FBXL13: variants seen among roughly 807,000 people sequenced by gnomAD.
FBXL13 encodes the protein F-box and leucine rich repeat protein 13.
In FBXL13, 67 loss-of-function variants were observed where a neutral mutation model predicts 83.6. That is an observed-to-expected ratio of 0.80 (90% CI 0.66 to 0.98). FBXL13 has a LOEUF of 0.98. FBXL13 is among the 50% of genes least tolerant of loss of function. FBXL13 has a pLI of 0.00. For synonymous variants in FBXL13, 272 were observed against 299.5 expected (o/e 0.91, Z 0.95); for missense variants, 822 against 866.5 (o/e 0.95, Z 0.64).
rs1427546093 is a variant in FBXL13, at chr7:102,957,112, TCG to T, written c.724+6419_724+6420del. ...AGCAAAAAGAACAAAGCTGGAGGCA[TCG>T]CACTACCTGACTTCAAACTATACTA... is the stretch of plus-strand genomic sequence containing the variant. On this transcript the variant is annotated intron_variant, in intron 8 of 19. Transcript: ENST00000313221. Among the ~76,000 whole-genome samples the T allele has an allele frequency of 1.2e-4, 18 of 152,180 alleles. 1 individual carries two copies. The highest frequency in any genetic ancestry group is 2.5e-4 in the Non-Finnish European group (17 of 68,038).
At chr7:103,060,020 T>TTATATA (rs772728840) in intron 1 of FBXL13, among the ~76,000 whole-genome samples, 2,820 of 49,574 alleles carry the variant, frequency 0.057, 275 homozygotes, top group Non-Finnish European at 0.079. Flanking sequence ...GCAAGATATT[T>TTATATA]TATATATATA....
intron 12 of FBXL13, 43 bp from the exon 14 acceptor site, chr7:102,883,728 C>G (rs1810424495): frequency 8.0e-7 from 1 of 1,245,470 alleles, no homozygotes; most frequent in South Asian, 1.3e-5. Flanking sequence ...GTGTACAGAA[C>G]AGGTTTAGCA....
At chr7:103,008,014 A>T (rs1180743408) in intron 6 of FBXL13, among the ~76,000 whole-genome samples, 1 of 152,182 alleles carries the variant, frequency 6.6e-6, no homozygotes, top group African/African-American at 2.4e-5. Flanking sequence ...ATTGTAGGGT[A>T]TTGGAGCCCA....
rs1562925752 is a variant in FBXL13 at position 102,834,084 on chromosome 7, A to AAGGAAG, written c.1720-1111_1720-1110insCTTCCT. On this transcript the variant is annotated intron_variant, in intron 17 of 19. Transcript: ENST00000313221. ...AGGAAGGAAGGAAGGAAGGAAGGAA[A>AAGGAAG]GAAAAGAAAGAAAGAAAGAAAGAAA... Among the ~76,000 whole-genome samples, 472 of 101,104 alleles carry AAGGAAG rather than the reference A, an allele frequency of 4.7e-3. 13 individuals are homozygous for AAGGAAG. The highest frequency in any genetic ancestry group is 0.018 in the African/African-American group (414 of 22,456). The allele number at this position is 101,104 out of a possible 152,430, so 66.3% of individuals were successfully genotyped here.
Position 103,028,753 on chromosome 7 carries a change from A to C in FBXL13, c.69-5T>G. 1 of 1,544,622 alleles carries C rather than the reference A, an allele frequency of 6.5e-7. No homozygotes were observed. The highest frequency in any genetic ancestry group is 8.7e-7 in the Non-Finnish European group (1 of 1,151,650). The stretch of plus-strand genomic sequence containing the variant: ...CGAGCTATGTCTCTCCAAGTGCTGC[A>C]GGCAGAAGACATTTTTTAAAAAATA... On this transcript the variant is annotated splice_polypyrimidine_tract_variant and splice_region_variant and intron_variant, in intron 3 of 19. Coordinates refer to ENST00000313221, the Ensembl canonical transcript of FBXL13.
At chr7:102,945,547 C>T (rs138788963) in intron 8 of FBXL13, among the ~76,000 whole-genome samples, 210 of 152,012 alleles carry the variant, frequency 1.4e-3, no homozygotes, top group African/African-American at 4.8e-3. Flanking sequence ...AAAGAAGCCC[C>T]GTGATTTGGG....
At chr7:102,962,708 C>T (rs1277210906) in intron 8 of FBXL13, among the ~76,000 whole-genome samples, 2 of 151,678 alleles carry the variant, frequency 1.3e-5, no homozygotes, top group Admixed American at 6.6e-5. Context: ...TGGAAATCAT[C>T]ATTCTCAGTA....
chr7:103,000,452 A>G (rs891536348), intron 6 of FBXL13, among the ~76,000 whole-genome samples: 1 of 152,260 alleles, frequency 6.6e-6, no homozygotes, highest in Non-Finnish European at 1.5e-5. Context: ...CAGAAAAGAT[A>G]CTTGATTTAA....
chr7:103,017,846 C>T (rs1258955121), intron 6 of FBXL13, among the ~76,000 whole-genome samples: 1 of 152,142 alleles, frequency 6.6e-6, no homozygotes, highest in Non-Finnish European at 1.5e-5. Context: ...AAACCTAGTT[C>T]TGATTGGTGT....
At chr7:103,015,266 C>A (rs1355116364) in intron 6 of FBXL13, among the ~76,000 whole-genome samples, 1 of 152,138 alleles carries the variant, frequency 6.6e-6, no homozygotes, top group Non-Finnish European at 1.5e-5. Context: ...GAAGGCATTC[C>A]CCTTGAAAAC....
intron 10 of FBXL13, among the ~76,000 whole-genome samples, chr7:102,915,084 A>G (rs954911196): frequency 5.9e-5 from 9 of 151,856 alleles, no homozygotes; most frequent in Non-Finnish European, 1.3e-4. Context: ...CTAATCTCTC[A>G]GAGATTGTTT....
At chr7:103,004,344 G>C (rs1225579012) in intron 6 of FBXL13, among the ~76,000 whole-genome samples, 2 of 152,300 alleles carry the variant, frequency 1.3e-5, no homozygotes, top group East Asian at 1.9e-4. Context: ...TAGGCTGGCG[G>C]AGGAGGCCCC....
chr7:103,060,934 G>T (rs1797842615), intron 1 of FBXL13, among the ~76,000 whole-genome samples: 1 of 152,194 alleles, frequency 6.6e-6, no homozygotes, highest in South Asian at 2.1e-4. Flanking sequence ...CGGAGATGGA[G>T]GTAGCACGCT....
intron 6 of FBXL13, among the ~76,000 whole-genome samples, chr7:103,023,367 C>T (rs1412021913): frequency 6.6e-6 from 1 of 152,126 alleles, no homozygotes; most frequent in Non-Finnish European, 1.5e-5. Flanking sequence ...AGAAGACATA[C>T]AGGCAACCAA....
At chr7:103,056,965 G>A (rs902482241) in intron 1 of FBXL13, among the ~76,000 whole-genome samples, 1 of 152,014 alleles carries the variant, frequency 6.6e-6, no homozygotes, top group African/African-American at 2.4e-5. Context: ...CTTCTTTTGA[G>A]GACTGTGTAT....
chr7:102,900,533 A>G, intron 11 of FBXL13, among the ~76,000 whole-genome samples: 1 of 152,216 alleles, frequency 6.6e-6, no homozygotes, highest in East Asian at 1.9e-4. Flanking sequence ...ACATCTATGA[A>G]TTGTCAATTT....
intron 10 of FBXL13, among the ~76,000 whole-genome samples, chr7:102,923,472 A>G (rs1317742961): frequency 1.3e-5 from 2 of 152,204 alleles, no homozygotes; most frequent in African/African-American, 4.8e-5. Flanking sequence ...AACACAGATA[A>G]AGTAACATGC....
chr7:102,962,860 A>C (rs1357249028), intron 8 of FBXL13, among the ~76,000 whole-genome samples: 2 of 151,768 alleles, frequency 1.3e-5, no homozygotes, highest in East Asian at 3.9e-4. Flanking sequence ...GAGGGATAGC[A>C]TCGGGAGACA....
chr7:102,963,041 G>A (rs995205841), intron 8 of FBXL13, among the ~76,000 whole-genome samples: 7 of 149,742 alleles, frequency 4.7e-5, no homozygotes, highest in Admixed American at 1.3e-4. Context: ...AGAACCAGCC[G>A]GGCACAGTGG....
Sources: gnomAD v4.1 joint callset for allele counts (sites outside exome capture counted in the v4.1 genomes callset) on GRCh38, gnomAD v4.1.1 for gene constraint, MANE v1.5 for transcripts, NCBI Gene and HGNC (gene_info 2026-07-23, HGNC 2026-07-21) for gene names.